ABCG5: variants seen among roughly 807,000 people sequenced by gnomAD.
ABCG5 encodes the protein ATP binding cassette subfamily G member 5, also known as ATP-binding cassette sub-family G member 5.
In ABCG5, 64 loss-of-function variants were observed where a neutral mutation model predicts 64.5. The ratio of observed to expected loss-of-function variants is 0.99; its 90% CI spans 0.81 to 1.22. The LOEUF is 1.22. ABCG5 is among the 50% of genes most tolerant of loss of function. ABCG5 has a pLI of 0.00. For missense variants in ABCG5, 908 were observed against 829.5 expected (o/e 1.09, Z -1.16); for synonymous variants, 385 against 326.3 (o/e 1.18, Z -1.94).
rs1666568512 is a variant in ABCG5 at position 43,813,154 on chromosome 2, C to A, written c.1918G>T (p.Val640Phe). Residue 640 changes from valine to phenylalanine, a missense_variant, in exon 13 of 13, where the codon GTT becomes TTT. By Grantham distance (50) the Val-to-Phe change is conservative (BLOSUM62 -1). Coordinates refer to ENST00000405322, the MANE Select transcript of ABCG5 (RefSeq NM_022436.3). ...AGATGATCCCTTATTTTGAAAACAA[C>A]TATTCCTAGGATGACAAGAGCTGGA... ...FIPALVILGI[V>F]VFKIRDHLIS... The A allele has an allele frequency of 6.8e-7, 1 of 1,461,022 alleles. No homozygotes were observed. The highest frequency in any genetic ancestry group is 9.6e-7 in the Non-Finnish European group (1 of 1,040,938). 90.5% of individuals were successfully genotyped at this position (1,461,022 alleles called of 1,614,324 possible).
At chr2:43,820,402 G>A (rs531373362) in intron 10 of ABCG5, among the ~76,000 whole-genome samples, 2 of 152,258 alleles carry the variant, frequency 1.3e-5, no homozygotes, top group African/African-American at 4.8e-5. Context: ...GCAGTAAGCA[G>A]GCTTGTTGAA....
In ABCG5 at chr2:43,822,470, T is replaced by G. The variant is rs895772903; in HGVS notation, c.1463+327A>C. The G allele has an allele frequency of 9.7e-3, 3,401 of 352,262 alleles. 5 individuals carry two copies. The highest frequency in any genetic ancestry group is 0.012 in the South Asian group (82 of 7,044). 21.8% of individuals were successfully genotyped at this position (352,262 alleles called of 1,614,324 possible). A position where few individuals can be genotyped will look rare whatever the true frequency, so the allele number is the denominator to read the frequency against. ...TTTACATTCAGGCTGCTTTCTCCCC[T>G]CCCCCAGGCCCCCCCCCATGCACCT... On this transcript the variant is annotated intron_variant, in intron 10 of 12. Transcript: ENST00000405322.
chr2:43,808,980 C>T (rs1156893859), downstream of ABCG5, among the ~76,000 whole-genome samples: 1 of 151,736 alleles, frequency 6.6e-6, no homozygotes, highest in African/African-American at 2.4e-5. Flanking sequence ...CACACACACA[C>T]ACACACACAC....
chr2:43,818,574 A>G (rs1572751312), intron 11 of ABCG5, among the ~76,000 whole-genome samples: 1 of 152,346 alleles, frequency 6.6e-6, no homozygotes, highest in East Asian at 1.9e-4. Context: ...CAAATAATAT[A>G]AAAGAGGAAA....
downstream of ABCG5, among the ~76,000 whole-genome samples, chr2:43,808,964 TACACACACAC>T (rs56090427): frequency 7.6e-4 from 111 of 145,574 alleles, no homozygotes; most frequent in African/African-American, 2.3e-3. Context: ...GGACAAAGGA[TACACACACAC>T]ACACACACAC....
At chr2:43,823,068 A>T (rs979032150) in intron 9 of ABCG5, 133 bp from the exon 10 acceptor site, 2 of 1,212,894 alleles carry the variant, frequency 1.6e-6, no homozygotes, top group African/African-American at 3.0e-5. Flanking sequence ...CTAGTCATAG[A>T]AGGAGGGGAC....
Position 43,819,902 on chromosome 2 carries a change from TATG to T in ABCG5, c.1649+10_1649+12del, listed in dbSNP as rs1318579809. On this transcript the variant is annotated intron_variant, in intron 11 of 12. Coordinates refer to ENST00000405322, the MANE Select transcript of ABCG5 (RefSeq NM_022436.3). The stretch of plus-strand genomic sequence containing the variant: ...TTATCCCAATCTAAATTTTTTGAAT[TATG>T]ATATCTTACCTGAGGAATCCAGATC... 4 of 1,614,084 alleles carry T rather than the reference TATG, an allele frequency of 2.5e-6. No individual in the cohort carries two copies. The Admixed American group carries it at 5.0e-5, about 20-fold the overall frequency.
chr2:43,832,400 AAAAC>A (rs1212923665), intron 2 of ABCG5: 4 of 494,462 alleles, frequency 8.1e-6, no homozygotes, highest in Non-Finnish European at 1.5e-5. Context: ...TTTGGATTGA[AAAAC>A]AAAATACTTA....
At chr2:43,818,391 C>T (rs1004521413) in intron 11 of ABCG5, among the ~76,000 whole-genome samples, 2 of 152,186 alleles carry the variant, frequency 1.3e-5, no homozygotes, top group African/African-American at 4.8e-5. Context: ...TTGCAGTGAG[C>T]TGAGATCGCG....
rs1666537896 is a variant in ABCG5 at position 43,812,562 on chromosome 2, C to T, written c.*554G>A. 1 of 158,332 alleles carries T rather than the reference C, an allele frequency of 6.3e-6. No individual in the cohort carries two copies. Among genetic ancestry groups the T allele is most frequent in the African/African-American group, 2.4e-5 (1 of 41,418 alleles). The allele number at this position is 158,332 out of a possible 1,614,324, so 9.8% of individuals were successfully genotyped here. On this transcript the variant is annotated 3_prime_UTR_variant, in exon 13 of 13. Transcript: ENST00000405322. ...AGCAGTGGTGCTCACCATCCATCTG[C>T]CCAGCACTCTCTCGATGTGATCAGG...
At chr2:43,828,333 A>AT (rs1351058112) in intron 4 of ABCG5, 6 of 652,674 alleles carry the variant, frequency 9.2e-6, no homozygotes, top group Admixed American at 2.7e-5. Context: ...AATAATATGA[A>AT]TTTTTTAAAA....
rs1041373737 is a variant in ABCG5, at chr2:43,820,914, A to T, written c.1464-814T>A. On this transcript the variant is annotated intron_variant, in intron 10 of 12. Transcript: ENST00000405322. ...AGTGATCTGCCCATCTCAGCCTCCC[A>T]AAGTGCTAGGATTACAGGCATGAGC... Among the ~76,000 whole-genome samples, 16 of 152,248 alleles carry T rather than the reference A, an allele frequency of 1.1e-4. No homozygotes were observed. In the East Asian group the frequency reaches 1.9e-3, roughly 18 times the overall value.
intron 12 of ABCG5, among the ~76,000 whole-genome samples, chr2:43,813,709 G>GTT (rs1214033245): frequency 0.033 from 1,117 of 34,008 alleles, 228 homozygotes; most frequent in Middle Eastern, 0.059. Flanking sequence ...TTTTTTTTTC[G>GTT]TTTTTTTTTT....
chr2:43,837,836 G>C lies in ABCG5; in HGVS notation c.263C>G (p.Ser88Ter), dbSNP rs767611945. 6.2e-7 allele frequency: 1 copy of C among 1,613,776 alleles called. No homozygotes were observed. The highest frequency in any genetic ancestry group is 8.5e-7 in the Non-Finnish European group (1 of 1,179,836). The change falls in exon 2 of 13, where the codon TCA becomes TGA. Residue 88 changes from serine to a stop codon, truncating the protein, a stop_gained and splice_region_variant. Transcript: ENST00000405322. LOFTEE classifies it high-confidence loss of function. ...SGQIMCILGS[S>*]GSGKTTLLDA... is the part of the protein sequence containing the mutation. ...AGAATCCTCCTTCCCAAGCTTACCT[G>C]AGCTTCCTAGGATGCACATGATCTG... is the stretch of plus-strand genomic sequence containing the variant.
At chr2:43,827,130 C>G (rs1370660277) in intron 5 of ABCG5, among the ~76,000 whole-genome samples, 1 of 151,936 alleles carries the variant, frequency 6.6e-6, no homozygotes, top group Non-Finnish European at 1.5e-5. Context: ...TTCGAGACCA[C>G]CCTGGCCAAC....
intron 4 of ABCG5, among the ~76,000 whole-genome samples, chr2:43,828,954 G>T (rs1667799810): frequency 6.6e-6 from 1 of 151,728 alleles, no homozygotes; most frequent in Non-Finnish European, 1.5e-5. Flanking sequence ...GACAGAGCGA[G>T]ACTCCGATTC....
intron 2 of ABCG5, among the ~76,000 whole-genome samples, chr2:43,833,395 A>G (rs1475072029): frequency 2.7e-5 from 4 of 146,660 alleles, no homozygotes; most frequent in African/African-American, 1.0e-4. Flanking sequence ...TATTATTATT[A>G]TTATTGAGAC....
In ABCG5 at chr2:43,814,457, TC is replaced by T; in HGVS notation, c.1762+19del. The stretch of plus-strand genomic sequence containing the variant: ...CTCAGAGTAACATGCAAAAATAATA[TC>T]CCCAAATAGAATACTTACCACAAGT... On this transcript the variant is annotated intron_variant, in intron 12 of 12. Coordinates refer to ENST00000405322, the MANE Select transcript of ABCG5 (RefSeq NM_022436.3). 6.7e-7 allele frequency: 1 copy of T among 1,489,860 alleles called. No individual in the cohort carries two copies. Among genetic ancestry groups the T allele is most frequent in the Non-Finnish European group, 9.4e-7 (1 of 1,067,664 alleles). 92.3% of individuals were successfully genotyped at this position (1,489,860 alleles called of 1,614,324 possible). A position where few individuals can be genotyped will look rare whatever the true frequency, so the allele number is the denominator to read the frequency against.
rs140927115 is a variant in ABCG5, at chr2:43,828,404, G to A, written c.502-289C>T. The A allele has an allele frequency of 3.6e-3, 1,637 of 460,590 alleles. 30 individuals carry two copies. Among genetic ancestry groups the A allele is most frequent in the African/African-American group, 0.03 (1,475 of 48,918 alleles). The allele number at this position is 460,590 out of a possible 1,614,324, so 28.5% of individuals were successfully genotyped here. On this transcript the variant is annotated intron_variant, in intron 4 of 12. Coordinates refer to ENST00000405322, the MANE Select transcript of ABCG5 (RefSeq NM_022436.3). The stretch of plus-strand genomic sequence containing the variant: ...TAATCCCAATACTTTGGAAGGCTGA[G>A]GAGGGAGAATTGCTTGAGGCCAGGA...
Sources: allele counts gnomAD v4.1 joint callset (sites outside exome capture counted in the v4.1 genomes callset), GRCh38; gene constraint gnomAD v4.1.1; transcripts MANE v1.5; gene names NCBI Gene and HGNC (gene_info 2026-07-23, HGNC 2026-07-21).